LRRC7: variants seen among roughly 807,000 people sequenced by gnomAD.
LRRC7 encodes leucine rich repeat containing 7, also known as leucine-rich repeat-containing protein 7.
A neutral mutation model predicts 175.7 loss-of-function variants in LRRC7; 23 were observed. The ratio of observed to expected loss-of-function variants is 0.13; its 90% CI spans 0.09 to 0.19. LRRC7 has a LOEUF of 0.19. Among genes scored for constraint, LRRC7 ranks in the 10% least tolerant of loss-of-function variants. The pLI, the probability that LRRC7 is intolerant of heterozygous loss-of-function variation, is 1.00. For missense variants in LRRC7, 1,354 were observed against 1,904.7 expected, an observed-to-expected ratio of 0.71 and a Z score of 5.38; for synonymous variants, 685 against 680.9, an observed-to-expected ratio of 1.01 and a Z score of -0.09.
chr1:69,753,627 A>G (rs1570631969), intron 2 of LRRC7, among the ~76,000 whole-genome samples: 1 of 152,218 alleles, frequency 6.6e-6, no homozygotes, highest in East Asian at 1.9e-4. Flanking sequence ...TACAAATAAA[A>G]GTAATTAGTC....
intron 2 of LRRC7, 79 bp downstream of exon 2, chr1:69,678,557 T>C: frequency 1.1e-6 from 1 of 947,364 alleles, no homozygotes. Context: ...GAGTGACCTT[T>C]AAATGGTTAG....
chr1:69,994,347 T>C (rs1022672861), intron 10 of LRRC7, among the ~76,000 whole-genome samples: 6 of 152,170 alleles, frequency 3.9e-5, no homozygotes, highest in African/African-American at 7.2e-5. Flanking sequence ...TGCATTTATA[T>C]TCTTGAACTG....
intron 2 of LRRC7, among the ~76,000 whole-genome samples, chr1:69,745,855 A>T (rs547438641): frequency 1.3e-5 from 2 of 151,982 alleles, no homozygotes; most frequent in African/African-American, 4.8e-5. Flanking sequence ...TCTTATTTGT[A>T]CTTTTCTATA....
chr1:69,718,126 A>G (rs1384545921), intron 2 of LRRC7, among the ~76,000 whole-genome samples: 13 of 32,262 alleles, frequency 4.0e-4, no homozygotes, highest in African/African-American at 3.2e-3. Context: ...AGAAAGAAAG[A>G]AAAGAAAGAA....
At chr1:69,741,649 C>T (rs1020534526) in intron 2 of LRRC7, among the ~76,000 whole-genome samples, 1 of 151,864 alleles carries the variant, frequency 6.6e-6, no homozygotes, top group Non-Finnish European at 1.5e-5. Context: ...TCCTACTAGC[C>T]TCCAAAAGTA....
At chr1:69,827,734 G>C (rs1330574166) in intron 5 of LRRC7, among the ~76,000 whole-genome samples, 1 of 152,032 alleles carries the variant, frequency 6.6e-6, no homozygotes. Context: ...AGCTGCTTGA[G>C]AGACTAAGGT....
At chr1:70,068,611 G>A (rs1371113943) in intron 23 of LRRC7, among the ~76,000 whole-genome samples, 1 of 151,050 alleles carries the variant, frequency 6.6e-6, no homozygotes, top group African/African-American at 2.4e-5. Flanking sequence ...TTATTTGTTT[G>A]TTTTGTTTTT....
intron 1 of LRRC7, 55 bp from the exon 2 acceptor site, chr1:69,678,326 A>C: frequency 1.6e-6 from 2 of 1,261,226 alleles, no homozygotes; most frequent in Non-Finnish European, 2.3e-6. Context: ...TTTAACTTGT[A>C]AACATTTATC....
intron 1 of LRRC7, among the ~76,000 whole-genome samples, chr1:69,625,549 T>C (rs1336815650): frequency 6.6e-6 from 1 of 151,696 alleles, no homozygotes; most frequent in Non-Finnish European, 1.5e-5. Flanking sequence ...TTAAGAACTG[T>C]AAATGAATGC....
chr1:69,917,428 G>A (rs1353474714), intron 7 of LRRC7, among the ~76,000 whole-genome samples: 1 of 152,138 alleles, frequency 6.6e-6, no homozygotes, highest in Non-Finnish European at 1.5e-5. Context: ...CCTCAGGTAG[G>A]CTAGTTTGAA....
chr1:70,095,060 T>C (rs1571309637), intron 25 of LRRC7, among the ~76,000 whole-genome samples: 1 of 152,220 alleles, frequency 6.6e-6, no homozygotes, highest in Non-Finnish European at 1.5e-5. Context: ...CAATTTATTG[T>C]ATATGTTTCT....
intron 3 of LRRC7, among the ~76,000 whole-genome samples, chr1:69,791,309 T>C (rs1675082857): frequency 6.6e-6 from 1 of 151,958 alleles, no homozygotes; most frequent in Non-Finnish European, 1.5e-5. Context: ...AAATGCAGAT[T>C]TTTGACCCCC....
intron 8 of LRRC7, among the ~76,000 whole-genome samples, chr1:69,948,553 A>T (rs1649579827): frequency 6.6e-6 from 1 of 152,146 alleles, no homozygotes; most frequent in South Asian, 2.1e-4. Flanking sequence ...CAGATTTACA[A>T]ACAAGCACAT....
At chr1:69,952,650 A>G (rs1650057277) in intron 8 of LRRC7, among the ~76,000 whole-genome samples, 1 of 152,086 alleles carries the variant, frequency 6.6e-6, no homozygotes, top group Admixed American at 6.6e-5. Flanking sequence ...AATGTGGAGA[A>G]AATGAAAAAG....
chr1:69,613,650 C>T (rs1003833474), intron 1 of LRRC7, among the ~76,000 whole-genome samples: 3 of 151,960 alleles, frequency 2.0e-5, no homozygotes, highest in African/African-American at 7.2e-5. Context: ...CAGCCCATAG[C>T]ACAATGACTG....
At chr1:70,006,866 A>T (rs1656039237) in intron 11 of LRRC7, among the ~76,000 whole-genome samples, 1 of 152,186 alleles carries the variant, frequency 6.6e-6, no homozygotes, top group Admixed American at 6.5e-5. Flanking sequence ...ATTATAAAGA[A>T]TATTACAAGG....
At chr1:69,652,234 G>A (rs537943459) in intron 1 of LRRC7, among the ~76,000 whole-genome samples, 1 of 101,910 alleles carries the variant, frequency 9.8e-6, no homozygotes, top group South Asian at 4.1e-4. Context: ...ATGACATGAT[G>A]TTATACGTAG....
intron 1 of LRRC7, among the ~76,000 whole-genome samples, chr1:69,673,818 A>T (rs1056347329): frequency 6.6e-6 from 1 of 152,130 alleles, no homozygotes; most frequent in Admixed American, 6.6e-5. Context: ...TGTATCGTTC[A>T]TGTAATTTAT....
chr1:69,896,101 G>A (rs549748380), intron 7 of LRRC7, among the ~76,000 whole-genome samples: 2 of 152,128 alleles, frequency 1.3e-5, no homozygotes, highest in Admixed American at 6.5e-5. Flanking sequence ...GACTAAAAGG[G>A]TGCCTGAAGG....
Sources: gnomAD v4.1 joint callset for allele counts (sites outside exome capture counted in the v4.1 genomes callset) on GRCh38, gnomAD v4.1.1 for gene constraint, MANE v1.5 for transcripts, NCBI Gene and HGNC (gene_info 2026-07-23, HGNC 2026-07-21) for gene names.